Variants in SORCS3 observed in about 807,000 individuals in gnomAD.
SORCS3 encodes VPS10 domain-containing receptor SorCS3.
A neutral mutation model predicts 146.3 loss-of-function variants in SORCS3; 57 were observed. The ratio of observed to expected loss-of-function variants is 0.39; its 90% CI spans 0.31 to 0.49. The LOEUF (loss-of-function observed/expected upper bound fraction) is 0.49. Ranked by LOEUF, SORCS3 falls within the 20% of genes least tolerant of loss-of-function variation. The pLI is 0.92. For synonymous variants in SORCS3, 653 were observed against 618.5 expected (o/e 1.06, Z -0.83); for missense variants, 1,341 against 1,575.5 (o/e 0.85, Z 2.52).
At chr10:105,255,674 C>G in intron 23 of SORCS3, 28 bp from the exon 24 acceptor site, 3 of 1,474,910 alleles carry the variant, frequency 2.0e-6, no homozygotes, top group Non-Finnish European at 2.8e-6. Context: ...TGTCATGTCA[C>G]CCCATGCATC....
chr10:104,831,591 G>C (rs2018001632), intron 1 of SORCS3, among the ~76,000 whole-genome samples: 1 of 152,186 alleles, frequency 6.6e-6, no homozygotes, highest in South Asian at 2.1e-4. Flanking sequence ...CAAGAGAAAA[G>C]GGGTGATCTA....
intron 1 of SORCS3, among the ~76,000 whole-genome samples, chr10:104,730,357 C>T (rs1484643757): frequency 1.3e-5 from 2 of 152,166 alleles, no homozygotes; most frequent in African/African-American, 2.4e-5. Context: ...TCTGCCTCCC[C>T]GTCTGTACTA....
chr10:104,868,588 T>C lies in SORCS3; in HGVS notation c.695+25729T>C, dbSNP rs75263643. 5.1e-4 allele frequency among the ~76,000 whole-genome samples: 77 copies of C among 152,314 alleles called. 2 individuals carry two copies. In the East Asian group the frequency reaches 0.013, roughly 25 times the overall value. On this transcript the variant is annotated intron_variant, in intron 2 of 26. Coordinates refer to ENST00000369701, the MANE Select transcript of SORCS3 (RefSeq NM_014978.3). Reference sequence around the variant, plus strand: ...TCCAGTGATAGTTCCCCTGGCTCTGTTTTCCTGATGGCATCTCAGCCAGTG... The same window carrying C: ...TCCAGTGATAGTTCCCCTGGCTCTGCTTTCCTGATGGCATCTCAGCCAGTG...
At chr10:104,876,798 T>C (rs11192217) in intron 2 of SORCS3, among the ~76,000 whole-genome samples, 3,891 of 147,302 alleles carry the variant, frequency 0.026, 166 homozygotes, top group African/African-American at 0.094. Flanking sequence ...TTTTTCTTTC[T>C]CTCTTTCTCT....
At chr10:105,109,139 T>A (rs1392834509) in intron 7 of SORCS3, among the ~76,000 whole-genome samples, 1 of 152,160 alleles carries the variant, frequency 6.6e-6, no homozygotes, top group Non-Finnish European at 1.5e-5. Flanking sequence ...TGATTTCCTG[T>A]TGGCAGCAAT....
intron 7 of SORCS3, among the ~76,000 whole-genome samples, chr10:105,107,263 A>T (rs534805059): frequency 6.7e-6 from 1 of 148,480 alleles, no homozygotes; most frequent in Non-Finnish European, 1.5e-5. Context: ...CTTTTATTCC[A>T]TTCTCATTGT....
chr10:104,924,405 T>A (rs2019117957), intron 3 of SORCS3, among the ~76,000 whole-genome samples: 1 of 152,212 alleles, frequency 6.6e-6, no homozygotes, highest in African/African-American at 2.4e-5. Context: ...GAAAATAGCA[T>A]TCCACGTCGG....
chr10:105,006,647 C>T (rs146453569), intron 4 of SORCS3, among the ~76,000 whole-genome samples: 1 of 152,298 alleles, frequency 6.6e-6, no homozygotes, highest in Non-Finnish European at 1.5e-5. Flanking sequence ...CTGGCCTTAT[C>T]TCTCTGTGCC....
chr10:105,249,054 C>T (rs1296196675), intron 22 of SORCS3, among the ~76,000 whole-genome samples: 1 of 151,806 alleles, frequency 6.6e-6, no homozygotes, highest in Non-Finnish European at 1.5e-5. Flanking sequence ...ATAAGGTGCT[C>T]AAGAAAAAGA....
chr10:104,647,889 A>G (rs1032198044), intron 1 of SORCS3, among the ~76,000 whole-genome samples: 1 of 152,260 alleles, frequency 6.6e-6, no homozygotes, highest in Non-Finnish European at 1.5e-5. Context: ...CAGAGATCAG[A>G]TGGACACCCC....
chr10:104,940,239 T>TATATATATATGTA (rs1554861474), intron 3 of SORCS3, among the ~76,000 whole-genome samples: 1 of 14,512 alleles, frequency 6.9e-5, no homozygotes, highest in Non-Finnish European at 1.2e-4. Context: ...TATATATATA[T>TATATATATATGTA]TTTTTTTTTT....
At chr10:105,089,865 G>A in intron 6 of SORCS3, 26 bp downstream of exon 6, 1 of 1,600,372 alleles carries the variant, frequency 6.2e-7, no homozygotes, top group South Asian at 1.1e-5. Flanking sequence ...GCCAGGCTAG[G>A]CCCAGGGAGA....
At chr10:104,709,658 C>A (rs192109000) in intron 1 of SORCS3, among the ~76,000 whole-genome samples, 116 of 152,290 alleles carry the variant, frequency 7.6e-4, no homozygotes, top group Non-Finnish European at 1.5e-3. Context: ...ATTACAAGGT[C>A]ACAACAGCTA....
chr10:105,202,791 G>A (rs1163910003), intron 16 of SORCS3, among the ~76,000 whole-genome samples: 2 of 152,158 alleles, frequency 1.3e-5, no homozygotes, highest in African/African-American at 2.4e-5. Context: ...ATAGCACTCC[G>A]ATCCCAGCTG....
intron 4 of SORCS3, among the ~76,000 whole-genome samples, chr10:104,981,225 C>T (rs1315940726): frequency 6.6e-6 from 1 of 152,180 alleles, no homozygotes; most frequent in Non-Finnish European, 1.5e-5. Context: ...AGCTCCTTCT[C>T]TGGCCTATAG....
Position 105,043,013 on chromosome 10 carries a change from G to A in SORCS3, c.955-42G>A, listed in dbSNP as rs544252840. ...AAAACATCTGTATTCATGCCCAGCAGTGGTTCCTTGAGACTTACATTCTCA... is the reference window on the plus strand; with the variant it reads ...AAAACATCTGTATTCATGCCCAGCAATGGTTCCTTGAGACTTACATTCTCA... On this transcript the variant is annotated intron_variant, in intron 4 of 26. Transcript: ENST00000369701. 29 of 1,567,026 alleles carry A rather than the reference G, an allele frequency of 1.9e-5. No homozygotes were observed. In the South Asian group the frequency reaches 2.8e-4, roughly 15 times the overall value.
intron 2 of SORCS3, among the ~76,000 whole-genome samples, chr10:104,908,909 C>T (rs551291796): frequency 2.6e-5 from 4 of 152,158 alleles, no homozygotes; most frequent in Non-Finnish European, 5.9e-5. Context: ...GAATGCCAGA[C>T]AGAGGCAGAT....
intron 1 of SORCS3, among the ~76,000 whole-genome samples, chr10:104,687,887 A>G (rs772241230): frequency 6.6e-6 from 1 of 152,156 alleles, no homozygotes; most frequent in Non-Finnish European, 1.5e-5. Flanking sequence ...TTTCATGAGG[A>G]TTTGCTGAAA....
At chr10:104,880,836 C>G (rs2018623260) in intron 2 of SORCS3, among the ~76,000 whole-genome samples, 1 of 152,168 alleles carries the variant, frequency 6.6e-6, no homozygotes, top group Non-Finnish European at 1.5e-5. Context: ...TCCTGCTTCA[C>G]AAGCTATCCA....
Sources: gnomAD v4.1 joint callset for allele counts (sites outside exome capture counted in the v4.1 genomes callset) on GRCh38, gnomAD v4.1.1 for gene constraint, MANE v1.5 for transcripts, NCBI Gene and HGNC (gene_info 2026-07-23, HGNC 2026-07-21) for gene names.